ABCB1: variants seen among roughly 807,000 people sequenced by gnomAD.
ABCB1 encodes the protein ATP-dependent translocase ABCB1.
In ABCB1, 69 loss-of-function variants were observed where a neutral mutation model predicts 142.0. That is an observed-to-expected ratio of 0.49 (90% CI 0.40 to 0.59). The LOEUF (loss-of-function observed/expected upper bound fraction) is 0.59, where lower values mean the gene tolerates loss of function less well. Ranked by LOEUF, ABCB1 falls within the 20% of genes least tolerant of loss-of-function variation. ABCB1 has a pLI of 0.00. For missense variants in ABCB1, 1,326 were observed against 1,554.7 expected (o/e 0.85, Z 2.47); for synonymous variants, 532 against 539.2 (o/e 0.99, Z 0.18).
At chr7:87,661,985 G>A (rs1243693808) in intron 1 of ABCB1, among the ~76,000 whole-genome samples, 1 of 151,968 alleles carries the variant, frequency 6.6e-6, no homozygotes, top group East Asian at 1.9e-4. Flanking sequence ...CTTTTGATTT[G>A]CATTTATCTG....
intron 5 of ABCB1, among the ~76,000 whole-genome samples, chr7:87,568,788 C>T (rs945765919): frequency 6.6e-6 from 1 of 152,130 alleles, no homozygotes; most frequent in African/African-American, 2.4e-5. Context: ...CATGATACAA[C>T]AAGAGATAGT....
At chr7:87,619,662 G>C (rs1820153801) in intron 1 of ABCB1, among the ~76,000 whole-genome samples, 1 of 151,832 alleles carries the variant, frequency 6.6e-6, no homozygotes, top group Non-Finnish European at 1.5e-5. Context: ...ATGAGTTGAA[G>C]ATTGCTGCTG....
chr7:87,585,474 C>G (rs1309138934), intron 4 of ABCB1, 38 bp downstream of exon 4: 1 of 1,608,090 alleles, frequency 6.2e-7, no homozygotes, highest in East Asian at 2.2e-5. Flanking sequence ...GTTTTTGCTG[C>G]AAGTTTCCAA....
intron 21 of ABCB1, chr7:87,521,117 T>A: frequency 2.0e-6 from 1 of 498,748 alleles, no homozygotes; most frequent in Non-Finnish European, 3.6e-6. Flanking sequence ...TTAAATGGAT[T>A]ATGGCATTGC....
chr7:87,605,806 A>G (rs1274661033), upstream of ABCB1, among the ~76,000 whole-genome samples: 2 of 152,242 alleles, frequency 1.3e-5, no homozygotes, highest in Non-Finnish European at 2.9e-5. Context: ...AAATAAGGTA[A>G]GATTTGATGT....
intron 1 of ABCB1, among the ~76,000 whole-genome samples, chr7:87,610,857 A>G (rs1284128714): frequency 6.6e-6 from 1 of 152,054 alleles, no homozygotes; most frequent in East Asian, 1.9e-4. Flanking sequence ...TAACACCACT[A>G]TTTACTTTGC....
At chr7:87,597,404 C>T (rs1819251170) in intron 2 of ABCB1, among the ~76,000 whole-genome samples, 2 of 151,772 alleles carry the variant, frequency 1.3e-5, no homozygotes, top group Admixed American at 1.3e-4. Flanking sequence ...CTTTACAATC[C>T]CATGTTAAAA....
At chr7:87,567,741 A>G (rs1222735884) in intron 5 of ABCB1, among the ~76,000 whole-genome samples, 1 of 152,142 alleles carries the variant, frequency 6.6e-6, no homozygotes, top group Non-Finnish European at 1.5e-5. Flanking sequence ...TAAAAAACAG[A>G]CCCTTAATCA....
intron 1 of ABCB1, chr7:87,628,626 GA>G: frequency 2.9e-6 from 1 of 345,606 alleles, no homozygotes; most frequent in Non-Finnish European, 5.1e-6. Context: ...TGTGTGTGTG[GA>G]GCTCGGGTGC....
At chr7:87,511,110 T>C (rs778248058) in intron 25 of ABCB1, among the ~76,000 whole-genome samples, 1 of 152,214 alleles carries the variant, frequency 6.6e-6, no homozygotes, top group Non-Finnish European at 1.5e-5. Flanking sequence ...AATACACTCT[T>C]GGGCCTCCTC....
chr7:87,694,100 GTTTT>G, intron 1 of ABCB1: 6 of 1,175,904 alleles, frequency 5.1e-6, no homozygotes, highest in Non-Finnish European at 5.6e-6. Context: ...GTGTGTTTTT[GTTTT>G]TTTTTTTTAA....
At chr7:87,656,150 G>T (rs994753424) in intron 1 of ABCB1, among the ~76,000 whole-genome samples, 1 of 151,818 alleles carries the variant, frequency 6.6e-6, no homozygotes, top group Admixed American at 6.6e-5. Flanking sequence ...AGAAAGTGAG[G>T]TAATATGTAT....
intron 21 of ABCB1, among the ~76,000 whole-genome samples, chr7:87,527,428 C>A (rs746608615): frequency 1.3e-5 from 2 of 152,058 alleles, no homozygotes; most frequent in Non-Finnish European, 2.9e-5. Context: ...GTTTTGTTTT[C>A]TTTTACAATG....
chr7:87,655,116 G>T (rs905535772), intron 1 of ABCB1, among the ~76,000 whole-genome samples: 5 of 152,004 alleles, frequency 3.3e-5, no homozygotes, highest in African/African-American at 4.8e-5. Flanking sequence ...AAAACATTAT[G>T]GAGGTTCCTC....
intron 3 of ABCB1, among the ~76,000 whole-genome samples, chr7:87,587,745 G>T (rs1818820449): frequency 6.6e-6 from 1 of 151,876 alleles, no homozygotes; most frequent in Admixed American, 6.6e-5. Context: ...TGTGGTGGCA[G>T]GCGCCTGTAA....
chr7:87,536,695 T>C (rs1333817171), intron 19 of ABCB1, among the ~76,000 whole-genome samples, 154 bp from the exon 20 acceptor site: 2 of 152,190 alleles, frequency 1.3e-5, no homozygotes, highest in African/African-American at 4.8e-5. Context: ...AAACTTAATA[T>C]AAAAACACAT....
intron 3 of ABCB1, among the ~76,000 whole-genome samples, chr7:87,592,470 G>C (rs1054519895): frequency 6.6e-6 from 1 of 152,188 alleles, no homozygotes; most frequent in Non-Finnish European, 1.5e-5. Flanking sequence ...AGTGGAAAGG[G>C]AGGATACTGA....
intron 5 of ABCB1, among the ~76,000 whole-genome samples, chr7:87,568,181 G>T (rs1035416931): frequency 6.7e-6 from 1 of 149,584 alleles, no homozygotes; most frequent in African/African-American, 2.5e-5. Context: ...GGATCATGAA[G>T]TCAGGAGTTC....
At chr7:87,655,591 T>A (rs752900478) in intron 1 of ABCB1, among the ~76,000 whole-genome samples, 5 of 152,084 alleles carry the variant, frequency 3.3e-5, no homozygotes, top group African/African-American at 7.2e-5. Flanking sequence ...GAGATGTTGG[T>A]TAAAGGATAT....
Sources: gnomAD v4.1 joint callset for allele counts (sites outside exome capture counted in the v4.1 genomes callset) on GRCh38, gnomAD v4.1.1 for gene constraint, MANE v1.5 for transcripts, NCBI Gene and HGNC (gene_info 2026-07-23, HGNC 2026-07-21) for gene names.